The following PRKCZ variants were observed in gnomAD, a reference collection of about 807,000 sequenced individuals.
PRKCZ encodes protein kinase C zeta.
PRKCZ carries 33 observed loss-of-function variants against 79.5 expected under a neutral mutation model. The ratio of observed to expected loss-of-function variants is 0.41; its 90% confidence interval spans 0.31 to 0.55. The LOEUF (loss-of-function observed/expected upper bound fraction) is 0.55, where lower values mean the gene tolerates loss of function less well. Among genes scored for constraint, PRKCZ ranks in the 20% least tolerant of loss-of-function variants. PRKCZ has a pLI of 0.19. For synonymous variants in PRKCZ, 342 were observed against 320.9 expected (o/e 1.07, Z -0.70); for missense variants, 578 against 813.5 (o/e 0.71, Z 3.52).
rs3128309 is a variant in PRKCZ, at chr1:2,174,439, G to A, written c.1406-315G>A. Among the ~76,000 whole-genome samples, 11,665 of 152,336 alleles carry A rather than the reference G, an allele frequency of 0.077. 531 individuals carry two copies. The highest frequency in any genetic ancestry group is 0.12 in the Middle Eastern group (35 of 294). On this transcript the variant is annotated intron_variant, in intron 14 of 17. Transcript: ENST00000378567. The surrounding 1 kb of genome is among the most constrained non-coding windows in gnomAD (Gnocchi z 6.2). ...AGTGCTGTGGGGATGTGGGATCTGG[G>A]AACGCGGCTGTCTCCGCGGTGCCCT...
intron 4 of PRKCZ, among the ~76,000 whole-genome samples, chr1:2,131,972 C>T (rs539262459): frequency 9.2e-5 from 14 of 152,282 alleles, no homozygotes; most frequent in South Asian, 4.1e-4. Flanking sequence ...CCACCACACC[C>T]GACTAATTTT....
intron 16 of PRKCZ, chr1:2,181,853 A>G (rs1169617316): frequency 2.2e-6 from 1 of 456,456 alleles, no homozygotes; most frequent in Non-Finnish European, 4.4e-6. Flanking sequence ...AAAGAATACA[A>G]GTAACTGATG....
chr1:2,055,299 G>T, intron 1 of PRKCZ, 142 bp from the exon 2 acceptor site: 2 of 967,886 alleles, frequency 2.1e-6, no homozygotes, highest in Non-Finnish European at 2.8e-6. Context: ...GTGTGTGGGA[G>T]GGGGGAGGGG....
intron 4 of PRKCZ, among the ~76,000 whole-genome samples, chr1:2,089,219 C>G (rs1571283803): frequency 8.8e-6 from 1 of 113,702 alleles, no homozygotes; most frequent in African/African-American, 5.6e-5. Flanking sequence ...TTCGGCCGGG[C>G]GATGGCAGAC....
In PRKCZ at chr1:2,177,889, C is replaced by T. The variant is rs539610425; in HGVS notation, c.1575+2576C>T. 6.6e-6 allele frequency among the ~76,000 whole-genome samples: 1 copy of T among 150,628 alleles called. No homozygotes were observed. The highest frequency in any genetic ancestry group is 2.1e-4 in the South Asian group (1 of 4,818). ...AAGGGCTTGCCACCGACTGCCAGCC[C>T]TGCCTCTGCCACCGACCGCCGGCCC... On this transcript the variant is annotated intron_variant, in intron 16 of 17. Coordinates refer to ENST00000378567, the MANE Select transcript of PRKCZ (RefSeq NM_002744.6). The surrounding 1 kb of genome is among the most constrained non-coding windows in gnomAD (Gnocchi z 6.4).
intron 4 of PRKCZ, among the ~76,000 whole-genome samples, chr1:2,109,380 G>T (rs556802538): frequency 1.3e-5 from 2 of 152,360 alleles, no homozygotes; most frequent in African/African-American, 4.8e-5. Flanking sequence ...TCTGGGGGGT[G>T]ACCCTTGACC....
At chr1:2,147,485 C>T (rs1263159558) in intron 7 of PRKCZ, among the ~76,000 whole-genome samples, 2 of 148,896 alleles carry the variant, frequency 1.3e-5, no homozygotes, top group African/African-American at 2.5e-5. Context: ...TCTATCCACA[C>T]ATCTGTTGTC....
rs376064707 is a variant in PRKCZ, at chr1:2,059,622, G to C, written c.334+31G>C. The C allele has an allele frequency of 3.6e-5, 58 of 1,612,524 alleles. No homozygotes were observed. In the Middle Eastern group the frequency reaches 1.2e-3, roughly 32 times the overall value. On this transcript the variant is annotated intron_variant, in intron 4 of 17. Coordinates refer to ENST00000378567, the MANE Select transcript of PRKCZ (RefSeq NM_002744.6). The stretch of plus-strand genomic sequence containing the variant: ...TACTGGGGTTTCCTACGCCGGTCTC[G>C]CATGTTACGGGGTTGAACTGTTGAT...
At chr1:2,053,865 A>G (rs1023789159) in intron 1 of PRKCZ, among the ~76,000 whole-genome samples, 7 of 152,162 alleles carry the variant, frequency 4.6e-5, no homozygotes, top group Non-Finnish European at 1.5e-5. Context: ...CTAATCTGCC[A>G]TGATGCTGTG....
intron 5 of PRKCZ, among the ~76,000 whole-genome samples, chr1:2,139,052 A>G (rs1676795046): frequency 6.6e-6 from 1 of 152,240 alleles, no homozygotes; most frequent in African/African-American, 2.4e-5. Context: ...ATTAAATGCA[A>G]AAAACATACA....
chr1:2,092,353 T>C (rs2249670), intron 4 of PRKCZ, among the ~76,000 whole-genome samples: 75,011 of 151,764 alleles, frequency 0.49, 22,660 homozygotes, highest in East Asian at 0.95. Context: ...CAGGACGGAG[T>C]CCGACGTTCC....
intron 4 of PRKCZ, among the ~76,000 whole-genome samples, chr1:2,121,667 C>CTCGGCG (rs1557612831): frequency 5.5e-5 from 6 of 109,672 alleles, no homozygotes; most frequent in African/African-American, 2.4e-4. Flanking sequence ...TGGTTAGGGT[C>CTCGGCG]GTGGTGGTGG....
At chr1:2,097,008 C>A (rs1223748052) in intron 4 of PRKCZ, among the ~76,000 whole-genome samples, 3 of 152,218 alleles carry the variant, frequency 2.0e-5, no homozygotes, top group Non-Finnish European at 4.4e-5. Flanking sequence ...CCCTGTTGAG[C>A]AAGGTCCACG....
In PRKCZ at chr1:2,174,491, G is replaced by A. The variant is rs112692642; in HGVS notation, c.1406-263G>A. On this transcript the variant is annotated intron_variant, in intron 14 of 17. Coordinates refer to ENST00000378567, the MANE Select transcript of PRKCZ (RefSeq NM_002744.6). The surrounding 1 kb of genome is among the most constrained non-coding windows in gnomAD (Gnocchi z 6.2). ...TGGTGGCCAGCCTGCAGAGGCACCC[G>A]TGTACCTGCGATCTTGGGGCTGAGG... 0.011 allele frequency among the ~76,000 whole-genome samples: 1,672 copies of A among 152,344 alleles called. 42 individuals are homozygous for A. Among genetic ancestry groups the A allele is most frequent in the African/African-American group, 0.036 (1,509 of 41,572 alleles).
chr1:2,162,386 C>A (rs546987808), intron 10 of PRKCZ, among the ~76,000 whole-genome samples: 68 of 152,236 alleles, frequency 4.5e-4, no homozygotes, highest in Non-Finnish European at 7.8e-4. Context: ...CCTGCCTGGG[C>A]CTCCCAAAGT....
At chr1:2,083,183 A>T (rs1451633448) in intron 4 of PRKCZ, among the ~76,000 whole-genome samples, 1 of 151,860 alleles carries the variant, frequency 6.6e-6, no homozygotes, top group Non-Finnish European at 1.5e-5. Flanking sequence ...AGGTACAGGG[A>T]TTTTACGGGA....
At chr1:2,071,051 C>CACCTGGGGGTGTGACCTGGGCGTGTG (rs1553132343) in intron 4 of PRKCZ, among the ~76,000 whole-genome samples, 2 of 151,682 alleles carry the variant, frequency 1.3e-5, no homozygotes, top group East Asian at 3.9e-4. Flanking sequence ...GCAGCCAGTA[C>CACCTGGGGGTGTGACCTGGGCGTGTG]ACCTGGGCGT....
chr1:2,051,031 C>T (rs1659589952), intron 1 of PRKCZ: 1 of 256,080 alleles, frequency 3.9e-6, no homozygotes, highest in Non-Finnish European at 7.4e-6. Flanking sequence ...TGAAAGTTTT[C>T]ATCAAGTTGT....
chr1:2,120,294 T>G (rs12731088), intron 4 of PRKCZ, among the ~76,000 whole-genome samples: 2 of 56,108 alleles, frequency 3.6e-5, no homozygotes, highest in African/African-American at 1.1e-4. Flanking sequence ...TGACTTTTCG[T>G]TTTTTTTTTT....
Sources: allele counts gnomAD v4.1 joint callset (sites outside exome capture counted in the v4.1 genomes callset), GRCh38; gene constraint gnomAD v4.1.1; non-coding constraint Gnocchi (gnomAD v3.1); transcripts MANE v1.5; gene names NCBI Gene and HGNC (gene_info 2026-07-23, HGNC 2026-07-21).